FMN2: variants seen among roughly 807,000 people sequenced by gnomAD.
The protein encoded by FMN2 is formin-2.
Under a neutral mutation model 142.3 loss-of-function variants are expected in FMN2, and 51 were observed. That is an observed-to-expected ratio of 0.36 (90% CI 0.29 to 0.45). The LOEUF (loss-of-function observed/expected upper bound fraction) is 0.45. FMN2 is among the 20% of genes least tolerant of loss of function. The probability of loss-of-function intolerance (pLI) is 1.00; values close to 1 mark genes in which losing one functional copy is unlikely to be tolerated. For missense variants in FMN2, 1,936 were observed against 2,122.8 expected, an observed-to-expected ratio of 0.91 and a Z score of 1.73; for synonymous variants, 882 against 869.8, an observed-to-expected ratio of 1.01 and a Z score of -0.25.
chr1:240,092,990 C>G lies in FMN2; in HGVS notation c.881C>G (p.Pro294Arg), dbSNP rs1037539031. The part of the protein sequence containing the change: ...AAEPREPQQP[P>R]SPGGLPVSEA... ...GAGCCCCGGGAGCCCCAGCAACCGC[C>G]GTCCCCCGGCGGCCTCCCGGTCTCC... The change falls in exon 1 of 18, where the codon CCG (proline) becomes CGG (arginine). Residue 294 changes from proline to arginine, a missense_variant. Pro to Arg is a moderately radical substitution (Grantham distance 103, BLOSUM62 -2). This residue lies in a region of FMN2 where 751 missense variants were observed against 791.8 expected (regional missense o/e 0.95). Transcript: ENST00000319653. 7.1e-7 allele frequency: 1 copy of G among 1,402,218 alleles called. No homozygotes were observed. Among genetic ancestry groups the G allele is most frequent in the Non-Finnish European group, 9.2e-7 (1 of 1,087,456 alleles). The allele number at this position is 1,402,218 out of a possible 1,614,324, so 86.9% of individuals were successfully genotyped here.
At chr1:240,365,024 C>T (rs919030393) in intron 14 of FMN2, among the ~76,000 whole-genome samples, 6 of 152,098 alleles carry the variant, frequency 3.9e-5, no homozygotes, top group African/African-American at 1.4e-4. Context: ...AAATACAGGA[C>T]CATAATGGAA....
chr1:240,245,451 G>A, intron 6 of FMN2: 2 of 463,464 alleles, frequency 4.3e-6, no homozygotes, highest in East Asian at 7.0e-5. Flanking sequence ...TGTGTGGCTG[G>A]ATACCAGAAA....
chr1:240,305,429 T>C (rs901013544), intron 8 of FMN2, among the ~76,000 whole-genome samples: 1 of 152,236 alleles, frequency 6.6e-6, no homozygotes, highest in Non-Finnish European at 1.5e-5. Flanking sequence ...AACACTATTG[T>C]TTTGTAGTCT....
chr1:240,143,848 G>A, intron 2 of FMN2: 1 of 1,582,684 alleles, frequency 6.3e-7, no homozygotes, highest in Non-Finnish European at 8.7e-7. Context: ...CCTCCATGCT[G>A]GACTTTGAAT....
chr1:240,434,000 C>T (rs1167962501), intron 15 of FMN2, among the ~76,000 whole-genome samples: 4 of 152,094 alleles, frequency 2.6e-5, no homozygotes, highest in Non-Finnish European at 5.9e-5. Context: ...GCAGGTACCT[C>T]GATTCCATTG....
intron 16 of FMN2, among the ~76,000 whole-genome samples, chr1:240,442,432 C>T (rs12741316): frequency 0.37 from 55,521 of 152,106 alleles, 10,351 homozygotes; most frequent in Middle Eastern, 0.41. Flanking sequence ...CAACAGTTCC[C>T]TTCAGAGCAG....
rs1676862354 is a variant in FMN2 at position 240,473,032 on chromosome 1, G to T, written c.5142+579G>T. Among the ~76,000 whole-genome samples, 2 of 152,104 alleles carry T rather than the reference G, an allele frequency of 1.3e-5. No homozygotes were observed. Among genetic ancestry groups the T allele is most frequent in the Admixed American group, 1.3e-4 (2 of 15,266 alleles). The stretch of plus-strand genomic sequence containing the variant: ...GATATGTGCATGTTGGCAGGGGCAG[G>T]GTGGGGAGACCATCTTTCACTTTCT... On this transcript the variant is annotated intron_variant, in intron 17 of 17. Coordinates refer to ENST00000319653, the MANE Select transcript of FMN2 (RefSeq NM_020066.5). The surrounding 1 kb of genome is among the most constrained non-coding windows in gnomAD (Gnocchi z 4.3).
intron 5 of FMN2, among the ~76,000 whole-genome samples, chr1:240,210,748 C>T (rs1031008438): frequency 1.3e-5 from 2 of 152,126 alleles, no homozygotes; most frequent in Non-Finnish European, 2.9e-5. Flanking sequence ...GTTGTTAAGT[C>T]AAGTTGGGAT....
chr1:240,218,310 T>G lies in FMN2; in HGVS notation c.4065+7075T>G, dbSNP rs553089544. Among the ~76,000 whole-genome samples the G allele has an allele frequency of 4.8e-5, 7 of 146,562 alleles. No individual in the cohort carries two copies. In the East Asian group the frequency reaches 1.4e-3, roughly 29 times the overall value. On this transcript the variant is annotated intron_variant, in intron 6 of 17. Transcript: ENST00000319653. Reference sequence around the variant, plus strand: ...AAAAAAAAAAAAAAAAAAAAAAAGATTCTGTTGGACTAAATGTACAAGAAA... The same window carrying G: ...AAAAAAAAAAAAAAAAAAAAAAAGAGTCTGTTGGACTAAATGTACAAGAAA...
chr1:240,432,582 A>G (rs1015120506), intron 15 of FMN2, among the ~76,000 whole-genome samples: 2 of 151,968 alleles, frequency 1.3e-5, no homozygotes, highest in African/African-American at 2.4e-5. Context: ...TGATGTCTAA[A>G]TAACTGATTT....
chr1:240,281,971 C>T (rs747411785), intron 7 of FMN2, among the ~76,000 whole-genome samples: 9 of 152,168 alleles, frequency 5.9e-5, no homozygotes, highest in South Asian at 2.1e-4. Context: ...AACAATAATA[C>T]GAAACTTATA....
At chr1:240,121,013 T>C (rs1242810803) in intron 1 of FMN2, among the ~76,000 whole-genome samples, 1 of 152,076 alleles carries the variant, frequency 6.6e-6, no homozygotes, top group Non-Finnish European at 1.5e-5. Context: ...CAAAAAAAAT[T>C]AGCTGGACAT....
intron 2 of FMN2, among the ~76,000 whole-genome samples, chr1:240,141,824 A>G (rs1663197036): frequency 1.3e-5 from 2 of 152,188 alleles, no homozygotes; most frequent in South Asian, 4.1e-4. Context: ...GAATGTGTCT[A>G]TGTGGCACGT....
intron 2 of FMN2, among the ~76,000 whole-genome samples, chr1:240,176,621 T>A (rs1307518009): frequency 6.6e-6 from 1 of 152,206 alleles, no homozygotes; most frequent in African/African-American, 2.4e-5. Flanking sequence ...CTTCAGGTTC[T>A]CCAATGATAG....
At chr1:240,324,450 C>T (rs1015939674) in intron 8 of FMN2, among the ~76,000 whole-genome samples, 5 of 152,198 alleles carry the variant, frequency 3.3e-5, no homozygotes, top group South Asian at 2.1e-4. Context: ...TTGAGGCTAT[C>T]GAGACCAGCC....
At chr1:240,407,314 T>C (rs979913108) in intron 15 of FMN2, among the ~76,000 whole-genome samples, 4 of 152,096 alleles carry the variant, frequency 2.6e-5, no homozygotes, top group Non-Finnish European at 4.4e-5. Context: ...ATTTTTTGTA[T>C]TTTTAGTAGA....
At chr1:240,239,028 TG>T (rs1295226674) in intron 6 of FMN2, among the ~76,000 whole-genome samples, 1 of 152,184 alleles carries the variant, frequency 6.6e-6, no homozygotes, top group African/African-American at 2.4e-5. Flanking sequence ...TCCTATACAA[TG>T]ATCTGAGTGA....
intron 7 of FMN2, among the ~76,000 whole-genome samples, chr1:240,288,617 T>C (rs542709442): frequency 5.3e-5 from 8 of 152,102 alleles, no homozygotes; most frequent in African/African-American, 1.4e-4. Context: ...CTAGCCCTTA[T>C]ATGTGGGCTA....
chr1:240,185,537 GTGTGCAGAATATTTTGC>G (rs1008989191), intron 3 of FMN2, among the ~76,000 whole-genome samples: 2 of 152,208 alleles, frequency 1.3e-5, no homozygotes, highest in South Asian at 2.1e-4. Context: ...TTGGGTGTAG[GTGTGCAGAATATTTTGC>G]TGATGCATCT....
Sources: allele counts gnomAD v4.1 joint callset (sites outside exome capture counted in the v4.1 genomes callset), GRCh38; gene constraint gnomAD v4.1.1; regional missense constraint gnomAD v4.1.1; non-coding constraint Gnocchi (gnomAD v3.1); transcripts MANE v1.5; gene names NCBI Gene and HGNC (gene_info 2026-07-23, HGNC 2026-07-21).